Variants in SLC35F1 observed in about 807,000 individuals in gnomAD.
SLC35F1 encodes chromosome 6 open reading frame 169.
Under a neutral mutation model 48.7 loss-of-function variants are expected in SLC35F1, and 14 were observed. That is an observed-to-expected ratio of 0.29 (90% CI 0.19 to 0.45). The LOEUF (loss-of-function observed/expected upper bound fraction) is 0.45. Ranked by LOEUF, SLC35F1 falls within the 20% of genes least tolerant of loss-of-function variation. The pLI, the probability that SLC35F1 is intolerant of heterozygous loss-of-function variation, is 1.00. For synonymous variants in SLC35F1, 190 were observed against 202.2 expected (o/e 0.94, Z 0.51); for missense variants, 404 against 500.0 (o/e 0.81, Z 1.83).
intron 1 of SLC35F1, among the ~76,000 whole-genome samples, chr6:118,014,730 A>G (rs947074270): frequency 6.6e-6 from 1 of 152,182 alleles, no homozygotes; most frequent in Non-Finnish European, 1.5e-5. Flanking sequence ...AATTTTAAGG[A>G]AGCAGAAATG....
At position 118,314,985 on chromosome 6, in the gene SLC35F1, G is replaced by C. The variant is rs1171266698; in HGVS notation, c.*733G>C. On this transcript the variant is annotated 3_prime_UTR_variant, in exon 8 of 8. Coordinates refer to ENST00000360388, the MANE Select transcript of SLC35F1 (RefSeq NM_001029858.4). ...ACGTGATTCTGCTAATCAAGTCCCTGTAATAACAGGATAAGGACTGTTCCA... is the reference window on the plus strand; with the variant it reads ...ACGTGATTCTGCTAATCAAGTCCCTCTAATAACAGGATAAGGACTGTTCCA... 6.5e-6 allele frequency: 1 copy of C among 152,742 alleles called. No individual in the cohort carries two copies. The highest frequency in any genetic ancestry group is 1.5e-5 in the Non-Finnish European group (1 of 68,142). The allele number at this position is 152,742 out of a possible 1,614,324, so 9.5% of individuals were successfully genotyped here. A position where few individuals can be genotyped will look rare whatever the true frequency, so the allele number is the denominator to read the frequency against.
intron 1 of SLC35F1, among the ~76,000 whole-genome samples, chr6:117,936,717 T>C (rs1162382937): frequency 6.6e-6 from 1 of 152,184 alleles, no homozygotes; most frequent in Non-Finnish European, 1.5e-5. Flanking sequence ...TCTAATTCCC[T>C]ACTATTTTAA....
intron 2 of SLC35F1, among the ~76,000 whole-genome samples, chr6:118,175,650 C>G (rs1414564730): frequency 6.6e-6 from 1 of 152,120 alleles, no homozygotes; most frequent in Non-Finnish European, 1.5e-5. Context: ...CTCACCTTCA[C>G]AAACACTACC....
chr6:118,187,076 T>C (rs1298256323), intron 2 of SLC35F1, among the ~76,000 whole-genome samples: 1 of 152,234 alleles, frequency 6.6e-6, no homozygotes, highest in Admixed American at 6.5e-5. Flanking sequence ...TCTCATTTTC[T>C]TGTAATGTGT....
intron 2 of SLC35F1, among the ~76,000 whole-genome samples, chr6:118,228,320 T>TAGGA (rs3079960): frequency 5.3e-4 from 3 of 5,684 alleles, no homozygotes; most frequent in African/African-American, 1.4e-3. Context: ...TGGAATAGTT[T>TAGGA]TAAACTCTAA....
intron 1 of SLC35F1, among the ~76,000 whole-genome samples, chr6:118,029,419 G>T (rs1165198452): frequency 6.6e-6 from 1 of 152,046 alleles, no homozygotes; most frequent in Non-Finnish European, 1.5e-5. Context: ...TTATTACCAT[G>T]TATTGCTAGA....
chr6:118,261,965 C>T (rs1775718364), intron 3 of SLC35F1, among the ~76,000 whole-genome samples: 1 of 152,294 alleles, frequency 6.6e-6, no homozygotes, highest in East Asian at 1.9e-4. Flanking sequence ...GCATCCCAGA[C>T]TTAGAGTTGT....
chr6:118,117,932 G>A (rs530596933), intron 1 of SLC35F1, among the ~76,000 whole-genome samples: 2 of 152,206 alleles, frequency 1.3e-5, no homozygotes, highest in African/African-American at 4.8e-5. Flanking sequence ...TTATTGCTGA[G>A]TAGTGTTTCA....
chr6:118,300,696 T>C (rs1253482791), intron 7 of SLC35F1, among the ~76,000 whole-genome samples: 2 of 152,224 alleles, frequency 1.3e-5, no homozygotes, highest in Non-Finnish European at 2.9e-5. Flanking sequence ...AGTTTTTCAT[T>C]GTTTCTGTTT....
intron 1 of SLC35F1, among the ~76,000 whole-genome samples, chr6:117,936,708 CT>C (rs2114816414): frequency 6.6e-6 from 1 of 152,102 alleles, no homozygotes; most frequent in South Asian, 2.1e-4. Context: ...ACATTTGGAT[CT>C]AATTCCCTAC....
At chr6:117,916,279 C>G (rs1775824882) in intron 1 of SLC35F1, among the ~76,000 whole-genome samples, 1 of 152,146 alleles carries the variant, frequency 6.6e-6, no homozygotes, top group African/African-American at 2.4e-5. Flanking sequence ...TTTTTTCCAT[C>G]TCATTTTTTC....
At chr6:118,258,370 A>T (rs1192496917) in intron 3 of SLC35F1, among the ~76,000 whole-genome samples, 1 of 152,174 alleles carries the variant, frequency 6.6e-6, no homozygotes, top group Non-Finnish European at 1.5e-5. Flanking sequence ...ATTTTCCAGC[A>T]GTAAATACAA....
chr6:118,049,758 CT>C (rs1470663392), intron 1 of SLC35F1, among the ~76,000 whole-genome samples: 1 of 151,960 alleles, frequency 6.6e-6, no homozygotes, highest in African/African-American at 2.4e-5. Context: ...CACTTTTACA[CT>C]GTTGGTGGGA....
chr6:118,210,384 G>A (rs1254818829), intron 2 of SLC35F1, among the ~76,000 whole-genome samples: 1 of 151,998 alleles, frequency 6.6e-6, no homozygotes, highest in Non-Finnish European at 1.5e-5. Context: ...TTGGAGATTG[G>A]GACTCTTGTG....
intron 1 of SLC35F1, among the ~76,000 whole-genome samples, chr6:117,969,785 C>A (rs991755772): frequency 6.6e-6 from 1 of 152,086 alleles, no homozygotes; most frequent in Non-Finnish European, 1.5e-5. Flanking sequence ...GTATGTTTTT[C>A]TTTTCTAGAA....
At chr6:117,967,289 A>T (rs572174173) in intron 1 of SLC35F1, among the ~76,000 whole-genome samples, 65 of 152,370 alleles carry the variant, frequency 4.3e-4, no homozygotes, top group Middle Eastern at 6.8e-3. Flanking sequence ...AAATGAAAAT[A>T]TCAAAAATAC....
intron 2 of SLC35F1, among the ~76,000 whole-genome samples, chr6:118,204,944 A>G (rs1407022008): frequency 1.3e-5 from 2 of 152,222 alleles, no homozygotes; most frequent in East Asian, 3.8e-4. Context: ...AAGCAATCCC[A>G]TGAATAATAC....
intron 2 of SLC35F1, among the ~76,000 whole-genome samples, chr6:118,204,248 A>G (rs767673369): frequency 1.3e-5 from 2 of 149,964 alleles, no homozygotes; most frequent in African/African-American, 2.5e-5. Flanking sequence ...ATTGAGGAAC[A>G]CAGTGGGGAT....
intron 1 of SLC35F1, among the ~76,000 whole-genome samples, chr6:118,014,303 G>T (rs1004893769): frequency 6.6e-6 from 1 of 152,130 alleles, no homozygotes; most frequent in African/African-American, 2.4e-5. Flanking sequence ...TTCAGGAAAG[G>T]TTGTTCTCTT....
Sources: gnomAD v4.1 joint callset for allele counts (sites outside exome capture counted in the v4.1 genomes callset) on GRCh38, gnomAD v4.1.1 for gene constraint, MANE v1.5 for transcripts, NCBI Gene and HGNC (gene_info 2026-07-23, HGNC 2026-07-21) for gene names.